Variants in ADGRF1 observed in about 807,000 individuals in gnomAD.
The protein encoded by ADGRF1 is adhesion G protein-coupled receptor F1, also known as G protein-coupled receptor 110.
Under a neutral mutation model 87.2 loss-of-function variants are expected in ADGRF1, and 85 were observed. That is an observed-to-expected ratio of 0.97 (90% CI 0.82 to 1.17). The LOEUF is 1.17. Among genes scored for constraint, ADGRF1 ranks in the 50% most tolerant of loss-of-function variants. The pLI is 0.00. For missense variants in ADGRF1, 1,169 were observed against 1,077.2 expected (o/e 1.09, Z -1.19); for synonymous variants, 430 against 408.8 (o/e 1.05, Z -0.63).
At position 47,000,357 on chromosome 6, in the gene ADGRF1, A is replaced by C. The variant is rs568441807; in HGVS notation, c.2660-62T>G. The C allele has an allele frequency of 4.9e-6, 6 of 1,235,390 alleles. No homozygotes were observed. The South Asian group carries it at 7.7e-5, about 16-fold the overall frequency. The allele number at this position is 1,235,390 out of a possible 1,614,324, so 76.5% of individuals were successfully genotyped here. On this transcript the variant is annotated intron_variant, in intron 14 of 14. Transcript: ENST00000371253. ...TCTGTTGAAATCAAGCATGAGACCA[A>C]AATGAAAATTAGCCTGTAGATTATT... is the stretch of plus-strand genomic sequence containing the variant.
chr6:47,019,377 T>C (rs1323677648), intron 7 of ADGRF1: 1 of 985,106 alleles, frequency 1.0e-6, no homozygotes, highest in African/African-American at 1.7e-5. Context: ...TTATAGCAAA[T>C]GCTGTTGAAA....
At chr6:47,033,333 G>A (rs1418749082) in intron 1 of ADGRF1, among the ~76,000 whole-genome samples, 1 of 152,188 alleles carries the variant, frequency 6.6e-6, no homozygotes, top group Non-Finnish European at 1.5e-5. Context: ...GAGAGGGCTG[G>A]CTGTTGTCTC....
intron 5 of ADGRF1, among the ~76,000 whole-genome samples, chr6:47,022,302 T>C (rs770936036): frequency 5.9e-5 from 9 of 152,166 alleles, no homozygotes; most frequent in Non-Finnish European, 1.0e-4. Context: ...AGTAGGTAAA[T>C]GCGTGGCCTC....
At chr6:47,023,579 G>A (rs891566404) in intron 5 of ADGRF1, among the ~76,000 whole-genome samples, 1 of 152,116 alleles carries the variant, frequency 6.6e-6, no homozygotes, top group African/African-American at 2.4e-5. Context: ...TTTTAACAAG[G>A]CATTCAGTAC....
At chr6:47,013,221 C>A in intron 9 of ADGRF1, 1 of 985,520 alleles carries the variant, frequency 1.0e-6, no homozygotes, top group Admixed American at 6.1e-5. Flanking sequence ...CCTTCTTGTT[C>A]TTCTCAACTG....
chr6:47,007,108 G>T, intron 12 of ADGRF1, 145 bp downstream of exon 12: 1 of 488,754 alleles, frequency 2.0e-6, no homozygotes, highest in South Asian at 4.7e-5. Context: ...TTCTGACTGA[G>T]CCTGACTTCT....
Position 47,008,350 on chromosome 6 carries a change from T to A in ADGRF1, c.2490+595A>T, listed in dbSNP as rs570213387. On this transcript the variant is annotated intron_variant, in intron 11 of 14. Transcript: ENST00000371253. ...GTGCCAAGTAAAAACCCATTCTTTG[T>A]AGCAGAGATTAGCAAACTTTTTCTG... Among the ~76,000 whole-genome samples, 12 of 152,326 alleles carry A rather than the reference T, an allele frequency of 7.9e-5. No homozygotes were observed. In the South Asian group the frequency reaches 2.5e-3, roughly 32 times the overall value.
chr6:47,037,567 C>T (rs1780622259), intron 1 of ADGRF1, among the ~76,000 whole-genome samples: 1 of 151,758 alleles, frequency 6.6e-6, no homozygotes, highest in Non-Finnish European at 1.5e-5. Flanking sequence ...GGGTGCCGTG[C>T]CATGATCATA....
chr6:47,040,043 T>G (rs546392026), intron 1 of ADGRF1, among the ~76,000 whole-genome samples: 1 of 152,226 alleles, frequency 6.6e-6, no homozygotes, highest in East Asian at 1.9e-4. Flanking sequence ...CTGAAGGCCT[T>G]GAAATCTTGC....
At chr6:47,012,950 C>G (rs550512945) in intron 9 of ADGRF1, 9 of 607,674 alleles carry the variant, frequency 1.5e-5, no homozygotes, top group Non-Finnish European at 1.2e-5. Context: ...TTTTTGTATC[C>G]TTAGTAGAAA....
chr6:47,021,215 C>A (rs1366743792), intron 6 of ADGRF1, among the ~76,000 whole-genome samples: 1 of 152,180 alleles, frequency 6.6e-6, no homozygotes, highest in East Asian at 1.9e-4. Context: ...CCTGAGCCAG[C>A]ATCCTAGGCA....
intron 1 of ADGRF1, among the ~76,000 whole-genome samples, chr6:47,032,711 C>T (rs970043511): frequency 6.6e-6 from 1 of 152,140 alleles, no homozygotes; most frequent in Non-Finnish European, 1.5e-5. Flanking sequence ...TGAATGAGTA[C>T]TTTGCAAGTA....
rs78396222 is a variant in ADGRF1 at position 47,012,204 on chromosome 6, G to T, written c.928-9C>A. On this transcript the variant is annotated splice_polypyrimidine_tract_variant and intron_variant, in intron 9 of 14. Transcript: ENST00000371253. ...ACAATCATACTGAAATTCTAGAAGCGAAAATGGTTAAGTTCTAGAAAACAA... is the reference window on the plus strand; with the variant it reads ...ACAATCATACTGAAATTCTAGAAGCTAAAATGGTTAAGTTCTAGAAAACAA... The T allele has an allele frequency of 1.7e-5, 27 of 1,603,054 alleles. No homozygotes were observed. The highest frequency in any genetic ancestry group is 2.2e-5 in the Non-Finnish European group (26 of 1,170,764).
rs998560007 is a variant in ADGRF1 at position 47,024,182 on chromosome 6, A to G, written c.313T>C (p.Cys105Arg). ...GGAAACCAGGTGTAGCTGTCTTCAC[A>G]GGTACACTGCAGGACTCCATTCAGG... The part of the protein sequence containing the change: ...NSLNGVLQCT[C>R]EDSYTWFPPS... The change falls in exon 5 of 15, where the codon TGT becomes CGT. Residue 105 changes from cysteine (C) to arginine (R), a missense_variant. By Grantham distance (180) the Cys-to-Arg change is radical. Coordinates refer to ENST00000371253, the MANE Select transcript of ADGRF1 (RefSeq NM_153840.4). The G allele has an allele frequency of 2.0e-5, 33 of 1,614,022 alleles. No homozygotes were observed. Among genetic ancestry groups the G allele is most frequent in the Non-Finnish European group, 2.8e-5 (33 of 1,179,964 alleles).
chr6:47,036,832 T>G (rs1230172656), intron 1 of ADGRF1, among the ~76,000 whole-genome samples: 2 of 152,152 alleles, frequency 1.3e-5, no homozygotes, highest in African/African-American at 4.8e-5. Flanking sequence ...CCTGAAAATA[T>G]CACATCAGTT....
intron 1 of ADGRF1, among the ~76,000 whole-genome samples, chr6:47,031,219 G>C (rs138035295): frequency 1.3e-5 from 2 of 151,888 alleles, no homozygotes; most frequent in East Asian, 3.9e-4. Flanking sequence ...TTTCCAAATG[G>C]GAGACCTGGC....
chr6:47,019,264 T>C (rs965773810), intron 7 of ADGRF1: 4 of 949,616 alleles, frequency 4.2e-6, no homozygotes, highest in Non-Finnish European at 5.0e-6. Flanking sequence ...TATGATCAAC[T>C]GTATAAACCT....
At chr6:47,018,365 T>A (rs753718878) in intron 7 of ADGRF1, 16 of 1,247,746 alleles carry the variant, frequency 1.3e-5, no homozygotes, top group Non-Finnish European at 1.6e-5. Flanking sequence ...GTGAAAAAAT[T>A]ATTAATTACT....
At chr6:47,005,570 C>T (rs530367679) in intron 13 of ADGRF1, among the ~76,000 whole-genome samples, 1 of 152,328 alleles carries the variant, frequency 6.6e-6, no homozygotes, top group Admixed American at 6.5e-5. Flanking sequence ...CAAGCACCCA[C>T]AGACTTCCAT....
Sources: allele counts gnomAD v4.1 joint callset (sites outside exome capture counted in the v4.1 genomes callset), GRCh38; gene constraint gnomAD v4.1.1; transcripts MANE v1.5; gene names NCBI Gene and HGNC (gene_info 2026-07-23, HGNC 2026-07-21).